The following SAMSN1 variants were observed in gnomAD, a reference collection of about 807,000 sequenced individuals.
SAMSN1 encodes SAM domain-containing protein SAMSN-1.
In SAMSN1, 31 loss-of-function variants were observed where a neutral mutation model predicts 42.0. That is an observed-to-expected ratio of 0.74 (90% CI 0.55 to 1.00). The LOEUF is 1.00. Ranked by LOEUF, SAMSN1 falls within the 50% of genes least tolerant of loss-of-function variation. The pLI is 0.00. For synonymous variants in SAMSN1, 178 were observed against 151.9 expected (o/e 1.17, Z -1.26); for missense variants, 464 against 439.4 (o/e 1.06, Z -0.50).
At chr21:14,577,266 A>G (rs796577086) in intron 2 of SAMSN1, among the ~76,000 whole-genome samples, 2,342 of 47,942 alleles carry the variant, frequency 0.049, 364 homozygotes, top group African/African-American at 0.18. Context: ...ATATATATAT[A>G]TATATATATA....
intron 7 of SAMSN1, chr21:14,593,768 T>A (rs989337213): frequency 1.6e-5 from 5 of 307,768 alleles, no homozygotes; most frequent in African/African-American, 1.1e-4. Context: ...ATTGCTAAAT[T>A]TTAGGGAAAA....
intron 4 of SAMSN1, among the ~76,000 whole-genome samples, chr21:14,611,619 C>A (rs986866106): frequency 6.6e-6 from 1 of 152,132 alleles, no homozygotes; most frequent in African/African-American, 2.4e-5. Flanking sequence ...TAAAATGTTG[C>A]CTTGCTTCCT....
intron 5 of SAMSN1, among the ~76,000 whole-genome samples, chr21:14,502,274 AAG>A (rs1987197707): frequency 6.6e-6 from 1 of 151,978 alleles, no homozygotes; most frequent in Admixed American, 6.5e-5. Flanking sequence ...CCTTTAATGA[AAG>A]GGAATCAAAT....
At position 14,577,253 on chromosome 21, in the gene SAMSN1, TATATATATATATATATATATATATA is replaced by T. The variant is rs1568816028; in HGVS notation, c.261+4858_261+4882del. On this transcript the variant is annotated intron_variant, in intron 2 of 8. Coordinates refer to the SAMSN1 transcript ENST00000285670. ...ATATATGTGTGTATATATATATATA[TATATATATATATATATATATATATA>T]TATATATTTTTTTTTTAGAAGAGAC... Among the ~76,000 whole-genome samples the T allele has an allele frequency of 2.9e-3, 109 of 37,354 alleles. 16 individuals are homozygous for T. The highest frequency in any genetic ancestry group is 0.019 in the African/African-American group (101 of 5,296). The allele number at this position is 37,354 out of a possible 152,430, so 24.5% of individuals were successfully genotyped here. A position where few individuals can be genotyped will look rare whatever the true frequency, so the allele number is the denominator to read the frequency against.
At chr21:14,580,936 A>T (rs538394089) in intron 2 of SAMSN1, among the ~76,000 whole-genome samples, 4 of 152,218 alleles carry the variant, frequency 2.6e-5, no homozygotes, top group Non-Finnish European at 5.9e-5. Flanking sequence ...TGCCTTGAGC[A>T]ATTTACAAGG....
chr21:14,513,601 G>A (rs1166106071), intron 3 of SAMSN1, among the ~76,000 whole-genome samples: 1 of 152,130 alleles, frequency 6.6e-6, no homozygotes. Context: ...TAAGTGTTAT[G>A]AAAGAAATAA....
chr21:14,497,507 G>A (rs947950170), intron 7 of SAMSN1, among the ~76,000 whole-genome samples: 6 of 152,222 alleles, frequency 3.9e-5, no homozygotes, highest in African/African-American at 4.8e-5. Flanking sequence ...CATGAGAATC[G>A]CTTCAACCTG....
intron 3 of SAMSN1, among the ~76,000 whole-genome samples, chr21:14,613,696 A>G (rs1982766192): frequency 6.6e-6 from 1 of 152,144 alleles, no homozygotes. Context: ...AAATAAAGCT[A>G]TTTATAATAT....
chr21:14,547,234 C>CA (rs2123168994), upstream of SAMSN1, among the ~76,000 whole-genome samples: 1 of 152,208 alleles, frequency 6.6e-6, no homozygotes, highest in Admixed American at 6.5e-5. Context: ...ATCAATTAAA[C>CA]AGAACCCCCA....
intron 2 of SAMSN1, among the ~76,000 whole-genome samples, chr21:14,570,518 G>A (rs544830015): frequency 2.6e-5 from 4 of 152,154 alleles, no homozygotes; most frequent in African/African-American, 7.2e-5. Context: ...ATGTGCAGTC[G>A]TGTCATTGTA....
intron 2 of SAMSN1, among the ~76,000 whole-genome samples, chr21:14,555,939 A>G (rs1980749126): frequency 6.6e-6 from 1 of 152,170 alleles, no homozygotes; most frequent in African/African-American, 2.4e-5. Flanking sequence ...TATAATATTA[A>G]AATTGCCTGC....
chr21:14,533,604 C>G (rs1979404914), intron 1 of SAMSN1, among the ~76,000 whole-genome samples: 1 of 152,136 alleles, frequency 6.6e-6, no homozygotes. Context: ...TATTTTTAAG[C>G]TTGCAGAAAT....
At chr21:14,579,990 C>T (rs1263469309) in intron 2 of SAMSN1, among the ~76,000 whole-genome samples, 1 of 152,010 alleles carries the variant, frequency 6.6e-6, no homozygotes, top group Non-Finnish European at 1.5e-5. Context: ...AGTAGGTTGG[C>T]AGGATGTGTT....
chr21:14,624,961 G>C (rs28885516), intron 2 of SAMSN1, among the ~76,000 whole-genome samples: 1,622 of 152,248 alleles, frequency 0.011, 30 homozygotes, highest in African/African-American at 0.037. Flanking sequence ...TGGGATGCAA[G>C]GCTGGTTCAA....
chr21:14,489,460 A>T (rs1371625689), intron 7 of SAMSN1, among the ~76,000 whole-genome samples: 1 of 152,208 alleles, frequency 6.6e-6, no homozygotes, highest in Non-Finnish European at 1.5e-5. Flanking sequence ...TTCTCAGGTC[A>T]TCCACATTGT....
chr21:14,651,665 A>C (rs1983839522), intron 1 of SAMSN1, among the ~76,000 whole-genome samples: 1 of 152,028 alleles, frequency 6.6e-6, no homozygotes, highest in Admixed American at 6.6e-5. Context: ...ATAGTACTGG[A>C]AGTCCTAGCT....
chr21:14,534,530 T>TC lies in SAMSN1; in HGVS notation c.57+11674_57+11675insG, dbSNP rs973776466. Among the ~76,000 whole-genome samples the TC allele has an allele frequency of 9.9e-5, 15 of 151,474 alleles. No individual in the cohort carries two copies. In the East Asian group the frequency reaches 2.9e-3, roughly 29 times the overall value. On this transcript the variant is annotated intron_variant, in intron 1 of 7. Coordinates refer to ENST00000400566, the MANE Select transcript of SAMSN1 (RefSeq NM_022136.5). ...GGAGGGAGAGACTTTTTTTCTTTTT[T>TC]TTTTTGAGACGGAGTCTCGCTGTCG...
rs144625447 is a variant in SAMSN1, at chr21:14,510,617, T to C, written c.410-156A>G. Among the ~76,000 whole-genome samples the C allele has an allele frequency of 2.2e-3, 336 of 152,300 alleles. 1 individual carries two copies. The highest frequency in any genetic ancestry group is 7.6e-3 in the African/African-American group (315 of 41,570). The stretch of plus-strand genomic sequence containing the variant: ...ATCCTGGTGTCTGTCTTCCAGTTAC[T>C]CTCCATCAGTGACGTCTGTCCTCTG... On this transcript the variant is annotated intron_variant, in intron 4 of 7. Coordinates refer to ENST00000400566, the MANE Select transcript of SAMSN1 (RefSeq NM_022136.5).
chr21:14,658,376 C>A (rs1456698586), intron 1 of SAMSN1, among the ~76,000 whole-genome samples: 1 of 151,800 alleles, frequency 6.6e-6, no homozygotes, highest in Non-Finnish European at 1.5e-5. Context: ...AATTTTGATT[C>A]CTGGGATGTC....
Sources: allele counts gnomAD v4.1 joint callset (sites outside exome capture counted in the v4.1 genomes callset), GRCh38; gene constraint gnomAD v4.1.1; transcripts MANE v1.5; gene names NCBI Gene and HGNC (gene_info 2026-07-23, HGNC 2026-07-21).